Variants in RAF1 observed in about 807,000 individuals in gnomAD.
The protein encoded by RAF1 is Raf-1 proto-oncogene, serine/threonine kinase, also known as RAF proto-oncogene serine/threonine-protein kinase.
In RAF1, 27 loss-of-function variants were observed where a neutral mutation model predicts 81.1. That is an observed-to-expected ratio of 0.33 (90% CI 0.25 to 0.46). RAF1 has a LOEUF of 0.46. Ranked by LOEUF, RAF1 falls within the 20% of genes least tolerant of loss-of-function variation. RAF1 has a pLI of 1.00. For missense variants in RAF1, 598 were observed against 826.0 expected (o/e 0.72, Z 3.38); for synonymous variants, 298 against 294.0 (o/e 1.01, Z -0.14).
At chr3:12,599,848 G>T (rs1413987280) in intron 10 of RAF1, 40 bp from the exon 10 acceptor site, 1 of 1,469,252 alleles carries the variant, frequency 6.8e-7, no homozygotes, top group Middle Eastern at 1.7e-4. Context: ...CCATGCAATG[G>T]TAATAATCTT....
chr3:12,619,849 G>A (rs879820079), intron 1 of RAF1, among the ~76,000 whole-genome samples: 2 of 152,088 alleles, frequency 1.3e-5, no homozygotes, highest in Non-Finnish European at 2.9e-5. Flanking sequence ...TTGGGAGGCC[G>A]AGATGGGCGG....
chr3:12,642,293 AC>A (rs1335111567), intron 1 of RAF1, among the ~76,000 whole-genome samples: 8 of 126,078 alleles, frequency 6.3e-5, no homozygotes, highest in Non-Finnish European at 1.1e-4. Context: ...TACTAAAAAT[AC>A]AAAAAAAAAA....
At chr3:12,588,957 A>G (rs997380439) in intron 13 of RAF1, 1 of 152,608 alleles carries the variant, frequency 6.6e-6, no homozygotes, top group African/African-American at 2.4e-5. Context: ...CCTGGTTATT[A>G]AAGAGTCTGG....
At chr3:12,652,357 C>T (rs928386110) in intron 1 of RAF1, among the ~76,000 whole-genome samples, 4 of 149,560 alleles carry the variant, frequency 2.7e-5, no homozygotes, top group Non-Finnish European at 5.9e-5. Context: ...CCCGTCTCTA[C>T]TAAAAATACA....
intron 1 of RAF1, among the ~76,000 whole-genome samples, chr3:12,631,231 T>G (rs2059849992): frequency 6.6e-6 from 1 of 152,026 alleles, no homozygotes; most frequent in Non-Finnish European, 1.5e-5. Flanking sequence ...TATAGAATTA[T>G]GAAGTTCAGA....
chr3:12,657,961 G>A (rs960257172), intron 1 of RAF1, among the ~76,000 whole-genome samples: 4 of 151,860 alleles, frequency 2.6e-5, no homozygotes, highest in African/African-American at 9.7e-5. Context: ...TGTCACTAAG[G>A]ATTTTCCTAT....
chr3:12,606,167 C>G, intron 6 of RAF1, 34 bp downstream of exon 6: 3 of 1,541,794 alleles, frequency 1.9e-6, no homozygotes, highest in Non-Finnish European at 2.7e-6. Context: ...CCCCAAATAA[C>G]TTTCTAAAAG....
chr3:12,604,705 G>A (rs1243327975), intron 6 of RAF1, among the ~76,000 whole-genome samples: 5 of 152,118 alleles, frequency 3.3e-5, no homozygotes, highest in East Asian at 3.9e-4. Flanking sequence ...ATAAGTAGAC[G>A]TGCTGAGCAT....
intron 1 of RAF1, among the ~76,000 whole-genome samples, chr3:12,655,007 C>CA (rs1553624750): frequency 6.7e-6 from 1 of 148,446 alleles, no homozygotes; most frequent in African/African-American, 2.5e-5. Flanking sequence ...GAGACCCCCC[C>CA]CCCGCCATCT....
intron 6 of RAF1, among the ~76,000 whole-genome samples, chr3:12,605,444 T>C (rs1451103846): frequency 6.6e-6 from 1 of 151,904 alleles, no homozygotes; most frequent in African/African-American, 2.4e-5. Flanking sequence ...ACCCACCCAG[T>C]TTTTTGTATT....
In RAF1 at chr3:12,615,575, C is replaced by T. The variant is rs148274820; in HGVS notation, c.207+2940G>A. 8.9e-3 allele frequency among the ~76,000 whole-genome samples: 1,350 copies of T among 152,236 alleles called. 11 individuals are homozygous for T. Among genetic ancestry groups the T allele is most frequent in the Non-Finnish European group, 0.012 (806 of 68,014 alleles). ...CTCTTCTACCGCTTTCCTCAAGCTGCGTGCCTGGTGAAAGCAGCTAGTTCT... is the reference window on the plus strand; with the variant it reads ...CTCTTCTACCGCTTTCCTCAAGCTGTGTGCCTGGTGAAAGCAGCTAGTTCT... On this transcript the variant is annotated intron_variant, in intron 2 of 17. Transcript: ENST00000442415.
In RAF1 at chr3:12,604,199, C is replaced by T. The variant is rs764065991; in HGVS notation, c.771G>A (p.Ser257=). The T allele has an allele frequency of 8.7e-6, 14 of 1,614,018 alleles. No individual in the cohort carries two copies. The highest frequency in any genetic ancestry group is 5.5e-5 in the South Asian group (5 of 91,078). ...CCATGTGGACATTAGGTGTGGATGTCGACCTCTGCCTCTGGGAGAGGGAAC... is the reference window on the plus strand; with the variant it reads ...CCATGTGGACATTAGGTGTGGATGTTGACCTCTGCCTCTGGGAGAGGGAAC... Residue 257 remains serine, a synonymous_variant, in exon 7 of 18, where the codon TCG becomes TCA. Transcript: ENST00000442415.
chr3:12,621,905 G>A (rs2059567545), intron 1 of RAF1, among the ~76,000 whole-genome samples: 1 of 152,180 alleles, frequency 6.6e-6, no homozygotes, highest in Non-Finnish European at 1.5e-5. Flanking sequence ...GGGAACTCTA[G>A]AATTAAAGTG....
chr3:12,615,547 TC>T (rs1461380345), intron 2 of RAF1, among the ~76,000 whole-genome samples: 2 of 152,312 alleles, frequency 1.3e-5, no homozygotes, highest in East Asian at 3.9e-4. Flanking sequence ...AAGCAACTCT[TC>T]CCTCTTCTAC....
At chr3:12,587,427 G>T in intron 14 of RAF1, 164 bp downstream of exon 13, 1 of 747,830 alleles carries the variant, frequency 1.3e-6, no homozygotes, top group Non-Finnish European at 2.4e-6. Flanking sequence ...CTGAGGGACA[G>T]GCCAAGCCTA....
chr3:12,646,644 G>A (rs1041714942), intron 1 of RAF1, among the ~76,000 whole-genome samples: 11 of 151,088 alleles, frequency 7.3e-5, no homozygotes, highest in African/African-American at 1.7e-4. Context: ...TCCACCTCCC[G>A]GGTTCACATG....
At chr3:12,611,894 T>A in intron 3 of RAF1, 56 bp downstream of exon 3, 1 of 1,224,790 alleles carries the variant, frequency 8.2e-7, no homozygotes, top group East Asian at 2.3e-5. Flanking sequence ...CATAGCTATT[T>A]GAAGCTAGAA....
At position 12,596,218 on chromosome 3, in the gene RAF1, A is replaced by G. The variant is rs1250778890; in HGVS notation, c.1168+3473T>C. Reference sequence around the variant, plus strand: ...TCTTTTTTTTTTTTTTTTTTGAGATAGAGTCTCGTTCTGTCGCCCAGGCTG... The same window carrying G: ...TCTTTTTTTTTTTTTTTTTTGAGATGGAGTCTCGTTCTGTCGCCCAGGCTG... On this transcript the variant is annotated intron_variant, in intron 11 of 17. Coordinates refer to ENST00000442415, the MANE Select transcript of RAF1 (RefSeq NM_001354689.3). 6.5e-5 allele frequency among the ~76,000 whole-genome samples: 9 copies of G among 138,530 alleles called. No homozygotes were observed. In the East Asian group the frequency reaches 1.5e-3, roughly 23 times the overall value. The allele number at this position is 138,530 out of a possible 152,430, so 90.9% of individuals were successfully genotyped here. A position where few individuals can be genotyped will look rare whatever the true frequency, so the allele number is the denominator to read the frequency against.
At chr3:12,646,374 T>A (rs1480978185) in intron 1 of RAF1, among the ~76,000 whole-genome samples, 1 of 95,028 alleles carries the variant, frequency 1.1e-5, no homozygotes, top group Non-Finnish European at 2.2e-5. Context: ...ATTACCGGTT[T>A]CTTTTAAGTC....
Sources: allele counts gnomAD v4.1 joint callset (sites outside exome capture counted in the v4.1 genomes callset), GRCh38; gene constraint gnomAD v4.1.1; transcripts MANE v1.5; gene names NCBI Gene and HGNC (gene_info 2026-07-23, HGNC 2026-07-21).